Variants in RYR1 observed in about 807,000 individuals in gnomAD.
RYR1 encodes the protein ryanodine receptor 1, also known as central core disease of muscle.
Under a neutral mutation model 583.5 loss-of-function variants are expected in RYR1, and 342 were observed. The observed-to-expected ratio is 0.59, with a 90% CI of 0.54 to 0.64. The LOEUF (loss-of-function observed/expected upper bound fraction) is 0.64. Among genes scored for constraint, RYR1 ranks in the 30% least tolerant of loss-of-function variants. The pLI is 0.00. For synonymous variants in RYR1, 2,791 were observed against 2,822.5 expected, an observed-to-expected ratio of 0.99 and a Z score of 0.35; for missense variants, 6,032 against 6,917.2, an observed-to-expected ratio of 0.87 and a Z score of 4.54.
intron 65 of RYR1, among the ~76,000 whole-genome samples, chr19:38,516,872 C>T (rs1012820683): frequency 1.3e-5 from 2 of 152,144 alleles, no homozygotes; most frequent in African/African-American, 4.8e-5. Context: ...GGGAAATATA[C>T]GCTCCAAGGC....
chr19:38,452,864 C>A lies in RYR1; in HGVS notation c.1290C>A (p.Pro430=). ...FSGKPRGSGP[P]AGTALPIEGV... is the part of the protein sequence containing the mutation. ...GGAAGCCACGGGGCTCGGGGCCACC[C>A]GCTGGCACGGCGCTGCCCATCGAGG... The change falls in exon 13 of 106, where the codon CCC becomes CCA. Residue 430 remains proline, a synonymous_variant. Transcript: ENST00000359596. 6.2e-7 allele frequency: 1 copy of A among 1,608,984 alleles called. No individual in the cohort carries two copies. The highest frequency in any genetic ancestry group is 8.5e-7 in the Non-Finnish European group (1 of 1,177,744).
Position 38,457,429 on chromosome 19 carries a change from C to T in RYR1, c.1792-68C>T. 7 of 1,612,540 alleles carry T rather than the reference C, an allele frequency of 4.3e-6. No homozygotes were observed. The East Asian group carries it at 6.7e-5, about 15-fold the overall frequency. ...TCCTTTCCTCCTGGCTTCCCTCCCTCCCAGGGTTCTTCTGTAGATCCTGCC... is the reference window on the plus strand; with the variant it reads ...TCCTTTCCTCCTGGCTTCCCTCCCTTCCAGGGTTCTTCTGTAGATCCTGCC... On this transcript the variant is annotated intron_variant, in intron 16 of 105. Coordinates refer to ENST00000359596, the MANE Select transcript of RYR1 (RefSeq NM_000540.3).
rs144603876 is a variant in RYR1 at position 38,452,235 on chromosome 19, G to A, written c.1244+350G>A. On this transcript the variant is annotated intron_variant, in intron 12 of 105. Transcript: ENST00000359596. ...GCAGATCGCTTGAGCCCAGGAGTTC[G>A]AGACCAGCCTGAGCAATATAGTGAA... 8.2e-3 allele frequency among the ~76,000 whole-genome samples: 1,248 copies of A among 151,324 alleles called. 18 individuals carry two copies. The highest frequency in any genetic ancestry group is 0.029 in the African/African-American group (1,188 of 41,154).
intron 84 of RYR1, among the ~76,000 whole-genome samples, chr19:38,538,217 G>A (rs1972058218): frequency 6.6e-6 from 1 of 152,106 alleles, no homozygotes; most frequent in Non-Finnish European, 1.5e-5. Context: ...GGCCAACATG[G>A]TGAAACCCCG....
chr19:38,444,661 C>A lies in RYR1; in HGVS notation c.615C>A (p.Cys205Ter). The A allele has an allele frequency of 6.2e-7, 1 of 1,613,654 alleles. No homozygotes were observed. The highest frequency in any genetic ancestry group is 2.2e-5 in the East Asian group (1 of 44,866). ...CACTATGGAACATGAACCCCATCTG[C>A]TCCCGCTGCGAAGAGGGTGAGGGCC... ...MQTLWNMNPI[C>*]SRCEEGFVTG... Residue 205 changes from cysteine (C) to a stop codon, truncating the protein, a stop_gained, in exon 7 of 106, where the codon TGC becomes TGA. Coordinates refer to ENST00000359596, the MANE Select transcript of RYR1 (RefSeq NM_000540.3). LOFTEE classifies it high-confidence loss of function. The surrounding 1 kb of genome is among the most constrained non-coding windows in gnomAD (Gnocchi z 5.1).
rs1377967442 is a variant in RYR1 at position 38,502,802 on chromosome 19, G to GGCAGGGGGAGGA, written c.7836-70_7836-59dup. The GGCAGGGGGAGGA allele has an allele frequency of 5.2e-3, 5,382 of 1,038,898 alleles. 206 individuals carry two copies. The highest frequency in any genetic ancestry group is 9.4e-3 in the Middle Eastern group (27 of 2,882). The allele number at this position is 1,038,898 out of a possible 1,614,324, so 64.4% of individuals were successfully genotyped here. On this transcript the variant is annotated intron_variant, in intron 48 of 105. Coordinates refer to ENST00000359596, the MANE Select transcript of RYR1 (RefSeq NM_000540.3). ...GGGCAGGGGCAGGGGCAGGGGCAGG[G>GGCAGGGGGAGGA]GCAGGGGGAGGAGCAGGGGCAGGGG...
chr19:38,546,326 C>T (rs542245062), intron 87 of RYR1, 119 bp from the exon 88 acceptor site: 16 of 793,940 alleles, frequency 2.0e-5, no homozygotes, highest in Admixed American at 9.8e-5. Context: ...CGGGTCCCCT[C>T]GGAGGTAAGA....
chr19:38,454,237 G>A (rs958001191), intron 13 of RYR1, among the ~76,000 whole-genome samples: 2 of 151,968 alleles, frequency 1.3e-5, no homozygotes, highest in African/African-American at 2.4e-5. Flanking sequence ...ATGGGGTTTC[G>A]CCATGTTGGC....
Position 38,496,058 on chromosome 19 carries a change from C to T in RYR1, c.6549-157C>T, listed in dbSNP as rs59167126. ...GATTACACGCATGAGCCACCGCACC[C>T]GGCCAGCTGTAGGAATTGAGTGAGT... On this transcript the variant is annotated intron_variant, in intron 39 of 105. Transcript: ENST00000359596. The surrounding 1 kb of genome is among the most constrained non-coding windows in gnomAD (Gnocchi z 4.8). Among the ~76,000 whole-genome samples, 11,313 of 152,192 alleles carry T rather than the reference C, an allele frequency of 0.074. 1,012 individuals are homozygous for T. Among genetic ancestry groups the T allele is most frequent in the African/African-American group, 0.21 (8,916 of 41,484 alleles).
In RYR1 at chr19:38,512,566, G is replaced by T; in HGVS notation, c.9472+83G>T. The T allele has an allele frequency of 7.6e-7, 1 of 1,317,452 alleles. No homozygotes were observed. The highest frequency in any genetic ancestry group is 1.1e-6 in the Non-Finnish European group (1 of 924,434). 81.6% of individuals were successfully genotyped at this position (1,317,452 alleles called of 1,614,324 possible). A position where few individuals can be genotyped will look rare whatever the true frequency, so the allele number is the denominator to read the frequency against. ...ATCCGGGTGCCTGTGAGAGTCCCTG[G>T]GTGTTTGAATGTGTGGATTTCTTGC... On this transcript the variant is annotated intron_variant, in intron 63 of 105. Transcript: ENST00000359596. The surrounding 1 kb of genome is among the most constrained non-coding windows in gnomAD (Gnocchi z 5.1).
intron 70 of RYR1, among the ~76,000 whole-genome samples, chr19:38,524,777 T>G (rs1376302675): frequency 1.3e-5 from 2 of 152,232 alleles, no homozygotes; most frequent in African/African-American, 4.8e-5. Flanking sequence ...GAACTCTTTG[T>G]GGACCTGCAT....
chr19:38,494,689 C>G (rs1414951220), intron 39 of RYR1, 64 bp downstream of exon 39: 1 of 1,592,824 alleles, frequency 6.3e-7, no homozygotes, highest in Non-Finnish European at 8.6e-7. Flanking sequence ...CCTCAGGATA[C>G]AATAACATTC....
At chr19:38,463,390 C>T (rs549764731) in intron 20 of RYR1, 33 bp from the exon 21 acceptor site, 3 of 1,584,076 alleles carry the variant, frequency 1.9e-6, no homozygotes, top group South Asian at 2.2e-5. Flanking sequence ...GTAGAGGGAC[C>T]TTGGGGTCTC....
At chr19:38,569,198 A>G (rs759401418) in intron 93 of RYR1, among the ~76,000 whole-genome samples, 3 of 151,998 alleles carry the variant, frequency 2.0e-5, no homozygotes, top group Non-Finnish European at 2.9e-5. Context: ...TTTTAGTAGA[A>G]ACGGGGTTTC....
chr19:38,529,153 G>A (rs1568543100), intron 76 of RYR1, 96 bp downstream of exon 76: 1 of 1,242,066 alleles, frequency 8.1e-7, no homozygotes, highest in Admixed American at 1.8e-5. Flanking sequence ...GGCCCTCCAG[G>A]TCCTGGGGGA....
At position 38,560,815 on chromosome 19, in the gene RYR1, T is replaced by C. The variant is rs548055869; in HGVS notation, c.12283-298T>C. On this transcript the variant is annotated intron_variant, in intron 89 of 105. Coordinates refer to ENST00000359596, the MANE Select transcript of RYR1 (RefSeq NM_000540.3). ...GGGAGGATCCCTTGAGCCCAGGAGT[T>C]TGAGACCAGCCTTGGCAACATAGGG... Among the ~76,000 whole-genome samples the C allele has an allele frequency of 1.3e-4, 20 of 150,890 alleles. No individual in the cohort carries two copies. In the East Asian group the frequency reaches 3.9e-3, roughly 29 times the overall value.
chr19:38,501,038 G>A (rs1375019499), intron 47 of RYR1, 48 bp downstream of exon 47: 2 of 1,590,094 alleles, frequency 1.3e-6, no homozygotes, highest in Admixed American at 3.4e-5. Context: ...TCCACAGAGG[G>A]ACAGGAGATG....
Position 38,512,464 on chromosome 19 carries a change from G to A in RYR1, c.9453G>A (p.Gln3151=), listed in dbSNP as rs1398467263. The part of the protein sequence containing the change: ...TTLFQHIAQH[Q]FGDDVILDDV... ...TCTTCCAGCACATCGCCCAGCACCA[G>A]TTCGGAGATGACGTCATCCGTAAGG... is the stretch of plus-strand genomic sequence containing the variant. Residue 3151 remains glutamine, a synonymous_variant, in exon 63 of 106, where the codon CAG becomes CAA. Coordinates refer to ENST00000359596, the MANE Select transcript of RYR1 (RefSeq NM_000540.3). This position sits in a 1 kb window ranked among gnomAD's most constrained non-coding sequence, Gnocchi z 5.1. The A allele has an allele frequency of 6.2e-7, 1 of 1,612,434 alleles. No individual in the cohort carries two copies. The highest frequency in any genetic ancestry group is 8.5e-7 in the Non-Finnish European group (1 of 1,180,038).
At chr19:38,571,005 T>C (rs1054364411) in intron 94 of RYR1, among the ~76,000 whole-genome samples, 4 of 152,366 alleles carry the variant, frequency 2.6e-5, no homozygotes, top group Middle Eastern at 3.4e-3. Context: ...CCTCAGCTCT[T>C]GGCAACACCC....
Sources: gnomAD v4.1 joint callset for allele counts (sites outside exome capture counted in the v4.1 genomes callset) on GRCh38, gnomAD v4.1.1 for gene constraint, Gnocchi (gnomAD v3.1) non-coding constraint, MANE v1.5 for transcripts, NCBI Gene and HGNC (gene_info 2026-07-23, HGNC 2026-07-21) for gene names.